The following TENT5C variants were observed in gnomAD, a reference collection of about 807,000 sequenced individuals.
TENT5C encodes family with sequence similarity 46 member C.
TENT5C carries 5 observed loss-of-function variants against 22.2 expected under a neutral mutation model. The observed-to-expected ratio is 0.22, with a 90% confidence interval of 0.12 to 0.47. The LOEUF (loss-of-function observed/expected upper bound fraction) is 0.47, where lower values mean the gene tolerates loss of function less well. Among genes scored for constraint, TENT5C ranks in the 20% least tolerant of loss-of-function variants. TENT5C has a pLI of 0.99. For synonymous variants in TENT5C, 199 were observed against 195.4 expected, an observed-to-expected ratio of 1.02 and a Z score of -0.15; for missense variants, 364 against 500.9, an observed-to-expected ratio of 0.73 and a Z score of 2.61.
chr1:117,606,208 G>GCT (rs1558003728), intron 1 of TENT5C, 55 bp downstream of exon 1: 7 of 151,810 alleles, frequency 4.6e-5, no homozygotes, highest in Admixed American at 6.6e-5. Context: ...GCAGCCCCAG[G>GCT]GAGCCGCGAG....
rs1653956435 is a variant in TENT5C, at chr1:117,624,046, C to T, written c.*2C>T. 7 of 1,607,930 alleles carry T rather than the reference C, an allele frequency of 4.4e-6. No individual in the cohort carries two copies. The highest frequency in any genetic ancestry group is 1.6e-4 in the Middle Eastern group (1 of 6,068). On this transcript the variant is annotated 3_prime_UTR_variant, in exon 2 of 2. Coordinates refer to ENST00000369448, the MANE Select transcript of TENT5C (RefSeq NM_017709.4). ...CCTACCTGGCTGCCCTGTAACTAAC[C>T]TTGAGACCTGAGGGTTTCCACAGTG...
rs1439893426 is a variant in TENT5C, at chr1:117,627,609, C to A, written c.*3565C>A. ...ACCAGGGCTCTGTGTCAGGGAAAAC[C>A]TTCTGGGTGGACTTTGTAAGAATCC... On this transcript the variant is annotated 3_prime_UTR_variant, in exon 2 of 2. Transcript: ENST00000369448. 1.2e-5 allele frequency: 3 copies of A among 247,966 alleles called. No individual in the cohort carries two copies. Among genetic ancestry groups the A allele is most frequent in the Non-Finnish European group, 2.5e-5 (3 of 118,120 alleles). The allele number at this position is 247,966 out of a possible 1,614,324, so 15.4% of individuals were successfully genotyped here.
rs776635415 is a variant in TENT5C at position 117,622,921 on chromosome 1, A to T, written c.53A>T (p.Asn18Ile). The T allele has an allele frequency of 6.2e-7, 1 of 1,614,078 alleles. No individual in the cohort carries two copies. The highest frequency in any genetic ancestry group is 1.3e-5 in the African/African-American group (1 of 74,926). Residue 18 changes from asparagine (N) to isoleucine (I), a missense_variant, in exon 2 of 2, where the codon AAC becomes ATC. Asn to Ile is a moderately radical substitution (Grantham distance 149). Transcript: ENST00000369448. ...TRDCMSFSVLNWDQVSRLHEV... is the reference protein window; with the variant it reads ...TRDCMSFSVLIWDQVSRLHEV... ...GATTGCATGTCCTTCAGCGTGCTCA[A>T]CTGGGATCAGGTTAGCCGGCTGCAT...
At chr1:117,608,481 G>A (rs143735698) in intron 1 of TENT5C, among the ~76,000 whole-genome samples, 3 of 152,046 alleles carry the variant, frequency 2.0e-5, no homozygotes, top group Non-Finnish European at 4.4e-5. Context: ...TTGCGCTGCC[G>A]GTCAGAGAAC....
chr1:117,623,410 T>C lies in TENT5C; in HGVS notation c.542T>C (p.Val181Ala), dbSNP rs1239549020. ...ATTCGGCGTCAGTTTGAGTTCAGTGTGGACTCTTTCCAAATCATCCTGGAT... is the reference window on the plus strand; with the variant it reads ...ATTCGGCGTCAGTTTGAGTTCAGTGCGGACTCTTTCCAAATCATCCTGGAT... The part of the protein sequence containing the change: ...DSIRRQFEFS[V>A]DSFQIILDSL... The change falls in exon 2 of 2, where the codon GTG (valine) becomes GCG (alanine). Residue 181 changes from valine to alanine, a missense_variant. This residue lies in a region of TENT5C where 303 missense variants were observed against 394.5 expected (regional missense o/e 0.77). Coordinates refer to ENST00000369448, the MANE Select transcript of TENT5C (RefSeq NM_017709.4). 2 of 1,614,210 alleles carry C rather than the reference T, an allele frequency of 1.2e-6. No homozygotes were observed.
intron 1 of TENT5C, among the ~76,000 whole-genome samples, chr1:117,609,597 G>T (rs925091262): frequency 1.3e-5 from 2 of 152,200 alleles, no homozygotes; most frequent in African/African-American, 2.4e-5. Flanking sequence ...GGACGCCAAG[G>T]CAGTGGTGTT....
At position 117,624,124 on chromosome 1, in the gene TENT5C, A is replaced by T; in HGVS notation, c.*80A>T. The T allele has an allele frequency of 3.4e-6, 4 of 1,180,354 alleles. No individual in the cohort carries two copies. The highest frequency in any genetic ancestry group is 4.7e-6 in the Non-Finnish European group (4 of 850,486). The allele number at this position is 1,180,354 out of a possible 1,614,324, so 73.1% of individuals were successfully genotyped here. A position where few individuals can be genotyped will look rare whatever the true frequency, so the allele number is the denominator to read the frequency against. On this transcript the variant is annotated 3_prime_UTR_variant, in exon 2 of 2. Coordinates refer to ENST00000369448, the MANE Select transcript of TENT5C (RefSeq NM_017709.4). ...GGTAGGGGAGCCTCCTTCTAGATGT[A>T]GGCATTTGGCTTTTAAAGGGGAACT...
At chr1:117,613,013 C>T (rs555613752) in intron 1 of TENT5C, among the ~76,000 whole-genome samples, 6 of 152,216 alleles carry the variant, frequency 3.9e-5, no homozygotes, top group Non-Finnish European at 5.9e-5. Context: ...GTCATTCTTA[C>T]AGTAAGCAGT....
At chr1:117,609,922 G>GGTATA (rs1414798112) in intron 1 of TENT5C, among the ~76,000 whole-genome samples, 1 of 152,092 alleles carries the variant, frequency 6.6e-6, no homozygotes, top group Non-Finnish European at 1.5e-5. Flanking sequence ...AGGCCACAGG[G>GGTATA]GTATAGGTTT....
At position 117,606,152 on chromosome 1, in the gene TENT5C, A is replaced by T. The variant is rs576977713; in HGVS notation, c.-29A>T. On this transcript the variant is annotated splice_region_variant and 5_prime_UTR_variant, in exon 1 of 2. Coordinates refer to ENST00000369448, the MANE Select transcript of TENT5C (RefSeq NM_017709.4). ...TCTGTCGCCTCCTCTTCTATTGCCCAGGTGAGTCCGCGACCCCCCTCCTCT... is the reference window on the plus strand; with the variant it reads ...TCTGTCGCCTCCTCTTCTATTGCCCTGGTGAGTCCGCGACCCCCCTCCTCT... The T allele has an allele frequency of 6.6e-5, 10 of 152,478 alleles. No homozygotes were observed. The South Asian group carries it at 2.1e-3, about 32-fold the overall frequency. 9.4% of individuals were successfully genotyped at this position (152,478 alleles called of 1,614,324 possible). A position where few individuals can be genotyped will look rare whatever the true frequency, so the allele number is the denominator to read the frequency against.
intron 1 of TENT5C, among the ~76,000 whole-genome samples, chr1:117,618,449 G>C (rs1324498141): frequency 6.6e-6 from 1 of 151,440 alleles, no homozygotes; most frequent in Admixed American, 6.6e-5. Context: ...AAACTTGATA[G>C]AAAGGCATTC....
intron 1 of TENT5C, among the ~76,000 whole-genome samples, chr1:117,613,094 G>T (rs1191403269): frequency 6.6e-6 from 1 of 152,156 alleles, no homozygotes; most frequent in African/African-American, 2.4e-5. Context: ...GGCTCTCTTT[G>T]GGGAGCTCTT....
chr1:117,623,663 T>C lies in TENT5C; in HGVS notation c.795T>C (p.Thr265=), dbSNP rs773799555. Residue 265 remains threonine (T), a synonymous_variant, in exon 2 of 2, where the codon ACT becomes ACC. Transcript: ENST00000369448. ...FRPTDQEEIK[T]LERYMCSRFF... Reference sequence around the variant, plus strand: ...CCACAGACCAGGAAGAAATCAAAACTCTAGAGCGCTACATGTGCTCCAGGT... The same window carrying C: ...CCACAGACCAGGAAGAAATCAAAACCCTAGAGCGCTACATGTGCTCCAGGT... 6.2e-7 allele frequency: 1 copy of C among 1,613,880 alleles called. No individual in the cohort carries two copies. Among genetic ancestry groups the C allele is most frequent in the African/African-American group, 1.3e-5 (1 of 74,956 alleles).
intron 1 of TENT5C, among the ~76,000 whole-genome samples, chr1:117,613,657 G>T (rs1331263028): frequency 6.6e-6 from 1 of 152,196 alleles, no homozygotes; most frequent in Non-Finnish European, 1.5e-5. Flanking sequence ...TCAGTCCAGG[G>T]CTGCTTTCCA....
chr1:117,613,828 T>C (rs773828029), intron 1 of TENT5C, among the ~76,000 whole-genome samples: 1 of 152,194 alleles, frequency 6.6e-6, no homozygotes, highest in Non-Finnish European at 1.5e-5. Context: ...GTTGCGTCAC[T>C]GACTTAGAAA....
At position 117,621,316 on chromosome 1, in the gene TENT5C, C is replaced by T. The variant is rs533399684; in HGVS notation, c.-27-1526C>T. On this transcript the variant is annotated intron_variant, in intron 1 of 1. Transcript: ENST00000369448. The stretch of plus-strand genomic sequence containing the variant: ...GTTGTCTTTCTGTTGGCTTGTGTCC[C>T]CTCTCCATAAGTGAACTCCGTGACC... Among the ~76,000 whole-genome samples, 8 of 152,278 alleles carry T rather than the reference C, an allele frequency of 5.3e-5. 1 individual carries two copies. The East Asian group carries it at 1.5e-3, about 29-fold the overall frequency.
At chr1:117,618,185 A>G (rs1372379056) in intron 1 of TENT5C, among the ~76,000 whole-genome samples, 2 of 152,250 alleles carry the variant, frequency 1.3e-5, no homozygotes, top group Non-Finnish European at 2.9e-5. Flanking sequence ...TTGTCATGGA[A>G]GATGCTAACC....
intron 1 of TENT5C, among the ~76,000 whole-genome samples, chr1:117,621,575 G>A (rs1653896042): frequency 1.3e-5 from 2 of 152,220 alleles, no homozygotes; most frequent in South Asian, 4.2e-4. Context: ...AATCCATGTT[G>A]GAACCCCAGG....
At chr1:117,622,729 T>C in intron 1 of TENT5C, 113 bp from the exon 2 acceptor site, 1 of 711,904 alleles carries the variant, frequency 1.4e-6, no homozygotes, top group African/African-American at 1.8e-5. Flanking sequence ...CAGTAAGTGC[T>C]ATTTATCACC....
Sources: gnomAD v4.1 joint callset for allele counts (sites outside exome capture counted in the v4.1 genomes callset) on GRCh38, gnomAD v4.1.1 for gene constraint, gnomAD v4.1.1 regional missense constraint, MANE v1.5 for transcripts, NCBI Gene and HGNC (gene_info 2026-07-23, HGNC 2026-07-21) for gene names.